The following IPMK variants were observed in gnomAD, a reference collection of about 807,000 sequenced individuals.
The protein encoded by IPMK is inositol 1,3,4,6-tetrakisphosphate 5-kinase.
A neutral mutation model predicts 45.8 loss-of-function variants in IPMK; 17 were observed. The observed-to-expected ratio is 0.37, with a 90% CI of 0.25 to 0.56. IPMK has a LOEUF of 0.56. Ranked by LOEUF, IPMK falls within the 20% of genes least tolerant of loss-of-function variation. The pLI is 0.79. For missense variants in IPMK, 399 were observed against 498.0 expected, an observed-to-expected ratio of 0.80 and a Z score of 1.89; for synonymous variants, 180 against 184.3, an observed-to-expected ratio of 0.98 and a Z score of 0.19.
intron 1 of IPMK, among the ~76,000 whole-genome samples, chr10:58,245,885 G>A (rs1838792038): frequency 7.4e-6 from 1 of 134,842 alleles, no homozygotes; most frequent in Admixed American, 6.9e-5. Context: ...CAGACGACAT[G>A]ATTGTATATT....
chr10:58,202,068 G>A (rs545364365), intron 4 of IPMK, among the ~76,000 whole-genome samples: 5 of 152,308 alleles, frequency 3.3e-5, no homozygotes, highest in South Asian at 2.1e-4. Flanking sequence ...ATGGAAAGAC[G>A]TTGTTTTTAA....
At chr10:58,243,251 T>C (rs1221092148) in intron 1 of IPMK, among the ~76,000 whole-genome samples, 1 of 152,204 alleles carries the variant, frequency 6.6e-6, no homozygotes, top group Non-Finnish European at 1.5e-5. Context: ...AAAAGGGGTA[T>C]AGGCATACAA....
chr10:58,219,794 T>C (rs906245519), intron 3 of IPMK, among the ~76,000 whole-genome samples: 1 of 152,366 alleles, frequency 6.6e-6, no homozygotes, highest in Non-Finnish European at 1.5e-5. Flanking sequence ...GGTTGGTCTG[T>C]CTTATAAACA....
chr10:58,253,156 G>T (rs1222185219), intron 1 of IPMK, among the ~76,000 whole-genome samples: 1 of 152,258 alleles, frequency 6.6e-6, no homozygotes, highest in Non-Finnish European at 1.5e-5. Flanking sequence ...TTTTATAAAT[G>T]GAAGTTCCAC....
chr10:58,227,032 G>A lies in IPMK; in HGVS notation c.373+11C>T. The stretch of plus-strand genomic sequence containing the variant: ...ATTAAAACTGAAAGATAATTTTTAT[G>A]ACAAGATTACCGTTTGGTGCAGTGG... On this transcript the variant is annotated intron_variant, in intron 3 of 5. Transcript: ENST00000373935. 1 of 1,567,668 alleles carries A rather than the reference G, an allele frequency of 6.4e-7. No individual in the cohort carries two copies. The highest frequency in any genetic ancestry group is 8.8e-7 in the Non-Finnish European group (1 of 1,142,054).
intron 1 of IPMK, among the ~76,000 whole-genome samples, chr10:58,251,040 A>G (rs1838872551): frequency 6.6e-6 from 1 of 152,070 alleles, no homozygotes; most frequent in African/African-American, 2.4e-5. Flanking sequence ...ACTTCTGCTA[A>G]TTTTGGTTTT....
chr10:58,264,721 ATAGT>A (rs1839123673), intron 1 of IPMK, among the ~76,000 whole-genome samples: 1 of 152,204 alleles, frequency 6.6e-6, no homozygotes, highest in South Asian at 2.1e-4. Flanking sequence ...GATTACAGAA[ATAGT>A]TAAATAAATT....
intron 4 of IPMK, among the ~76,000 whole-genome samples, chr10:58,207,360 T>C (rs534206165): frequency 6.6e-6 from 1 of 152,252 alleles, no homozygotes. Context: ...CGAATTGTAC[T>C]GCTATAAACA....
chr10:58,197,342 AACAC>A (rs1837916595), intron 5 of IPMK, among the ~76,000 whole-genome samples: 1 of 115,258 alleles, frequency 8.7e-6, no homozygotes. Context: ...TAAATACATA[AACAC>A]ATAAATAAAA....
At chr10:58,216,806 C>G (rs921281510) in intron 3 of IPMK, among the ~76,000 whole-genome samples, 1 of 152,102 alleles carries the variant, frequency 6.6e-6, no homozygotes, top group African/African-American at 2.4e-5. Flanking sequence ...TGATAATTGT[C>G]AAATATACAT....
intron 4 of IPMK, among the ~76,000 whole-genome samples, chr10:58,210,759 G>C (rs748946529): frequency 1.3e-5 from 2 of 152,166 alleles, no homozygotes; most frequent in Non-Finnish European, 2.9e-5. Flanking sequence ...GTATGTGTTC[G>C]AAGGCAGGTC....
intron 4 of IPMK, among the ~76,000 whole-genome samples, chr10:58,210,962 G>GCCTCCCATCCACCATCTT (rs2132149197): frequency 6.6e-6 from 1 of 152,230 alleles, no homozygotes; most frequent in East Asian, 1.9e-4. Flanking sequence ...CATTAGCCCT[G>GCCTCCCATCCACCATCTT]CCTCCCATCC....
rs1837884326 is a variant in IPMK at position 58,195,880 on chromosome 10, CAT to C, written c.*194_*195del. On this transcript the variant is annotated 3_prime_UTR_variant, in exon 6 of 6. Coordinates refer to ENST00000373935, the MANE Select transcript of IPMK (RefSeq NM_152230.5). The stretch of plus-strand genomic sequence containing the variant: ...AACATTCCTAAGTTTCTTTATTCTT[CAT>C]AGTTTTCTAATGAACAAATAGTTAG... The C allele has an allele frequency of 5.4e-6, 3 of 552,110 alleles. No individual in the cohort carries two copies. In the East Asian group the frequency reaches 9.3e-5, roughly 17 times the overall value. The allele number at this position is 552,110 out of a possible 1,614,324, so 34.2% of individuals were successfully genotyped here.
intron 1 of IPMK, among the ~76,000 whole-genome samples, chr10:58,261,971 T>C (rs1839076119): frequency 6.6e-6 from 1 of 152,150 alleles, no homozygotes; most frequent in Admixed American, 6.5e-5. Context: ...GAAACCATCA[T>C]TCTGAACAAA....
chr10:58,265,955 A>G (rs184522837), intron 1 of IPMK, among the ~76,000 whole-genome samples: 2 of 152,320 alleles, frequency 1.3e-5, no homozygotes, highest in Admixed American at 6.5e-5. Flanking sequence ...TTTTTCAGGC[A>G]TCTAGAATAT....
At position 58,193,354 on chromosome 10, in the gene IPMK, T is replaced by C. The variant is rs1213237809; in HGVS notation, c.*2722A>G. On this transcript the variant is annotated 3_prime_UTR_variant, in exon 6 of 6. Transcript: ENST00000373935. The stretch of plus-strand genomic sequence containing the variant: ...GTGTAAAGAGGAAAAGTAAGTACAA[T>C]CTTTCCAGACACACAACTAATAATG... 1 of 151,860 alleles carries C rather than the reference T, an allele frequency of 6.6e-6. No individual in the cohort carries two copies. Among genetic ancestry groups the C allele is most frequent in the Non-Finnish European group, 1.5e-5 (1 of 67,788 alleles). The allele number at this position is 151,860 out of a possible 1,614,324, so 9.4% of individuals were successfully genotyped here.
chr10:58,241,579 A>C (rs1354284240), intron 1 of IPMK, among the ~76,000 whole-genome samples: 2 of 152,114 alleles, frequency 1.3e-5, no homozygotes, highest in African/African-American at 4.8e-5. Flanking sequence ...GAGCAGCTTA[A>C]ACCACAGAAA....
At chr10:58,250,624 A>C (rs767148963) in intron 1 of IPMK, among the ~76,000 whole-genome samples, 1 of 152,166 alleles carries the variant, frequency 6.6e-6, no homozygotes, top group Admixed American at 6.5e-5. Context: ...GTCTGCAAAC[A>C]AGTGTAATTT....
At chr10:58,211,919 A>AAAAAAAAAAT (rs967150743) in intron 4 of IPMK, among the ~76,000 whole-genome samples, 11 of 148,180 alleles carry the variant, frequency 7.4e-5, no homozygotes, top group African/African-American at 2.9e-4. Flanking sequence ...AAAAAAAAAA[A>AAAAAAAAAAT]AAAAAATTTG....
Sources: gnomAD v4.1 joint callset for allele counts (sites outside exome capture counted in the v4.1 genomes callset) on GRCh38, gnomAD v4.1.1 for gene constraint, MANE v1.5 for transcripts, NCBI Gene and HGNC (gene_info 2026-07-23, HGNC 2026-07-21) for gene names.